TMEM63B: variants seen among roughly 807,000 people sequenced by gnomAD.
The protein encoded by TMEM63B is transmembrane protein 63B.
Under a neutral mutation model 102.6 loss-of-function variants are expected in TMEM63B, and 23 were observed. The ratio of observed to expected loss-of-function variants is 0.22; its 90% CI spans 0.16 to 0.32. The LOEUF (loss-of-function observed/expected upper bound fraction) is 0.32. TMEM63B is among the 10% of genes least tolerant of loss of function. The pLI is 1.00. For synonymous variants in TMEM63B, 444 were observed against 437.0 expected, an observed-to-expected ratio of 1.02 and a Z score of -0.20; for missense variants, 628 against 1,095.9, an observed-to-expected ratio of 0.57 and a Z score of 6.03.
In TMEM63B at chr6:44,148,382, C is replaced by T; in HGVS notation, c.1118C>T (p.Ala373Val). Residue 373 changes from alanine (A) to valine (V), a missense_variant, in exon 13 of 24, where the codon GCC (alanine) becomes GTC (valine). By Grantham distance (64) the Ala-to-Val change is moderately conservative (BLOSUM62 0). This residue lies in a region of TMEM63B where 336 missense variants were observed against 580.3 expected (regional missense o/e 0.58). Transcript: ENST00000323267. This position sits in a 1 kb window ranked among gnomAD's most constrained non-coding sequence, Gnocchi z 5.1. ...FVTFHNETIT[A>V]IILKDFNVCK... Reference sequence around the variant, plus strand: ...ACCTTCCACAATGAGACTATCACCGCCATGTGAGTCCCCAACTCGGCCCTC... The same window carrying T: ...ACCTTCCACAATGAGACTATCACCGTCATGTGAGTCCCCAACTCGGCCCTC... 1 of 1,614,264 alleles carries T rather than the reference C, an allele frequency of 6.2e-7. No individual in the cohort carries two copies. Among genetic ancestry groups the T allele is most frequent in the Non-Finnish European group, 8.5e-7 (1 of 1,180,046 alleles).
chr6:44,147,813 T>G (rs1752476943), intron 12 of TMEM63B, among the ~76,000 whole-genome samples: 1 of 152,042 alleles, frequency 6.6e-6, no homozygotes, highest in Non-Finnish European at 1.5e-5. Flanking sequence ...GAGGGTAAAG[T>G]GAGTAATACA....
chr6:44,152,691 G>A lies in TMEM63B; in HGVS notation c.1935G>A (p.Val645=). Residue 645 remains valine (V), a synonymous_variant, in exon 20 of 24, where the codon GTG becomes GTA. Transcript: ENST00000323267. This position sits in a 1 kb window ranked among gnomAD's most constrained non-coding sequence, Gnocchi z 6.4. ...ACAGTATCACCTGCCCCATCATCGT[G>A]CCCTTCGGTAGGCACCGCCGCGCCG... ...MTYSITCPII[V]PFGLMYMLLK... 6.2e-7 allele frequency: 1 copy of A among 1,606,426 alleles called. No individual in the cohort carries two copies.
At chr6:44,127,038 C>G (rs1015182254), upstream of TMEM63B, 1 of 152,264 alleles carries the variant, frequency 6.6e-6, no homozygotes, top group Non-Finnish European at 1.5e-5. Flanking sequence ...GCAGCCCGCC[C>G]TCCCCAAGTC....
Position 44,153,687 on chromosome 6 carries a change from A to C in TMEM63B, c.1954A>C (p.Met652Leu), listed in dbSNP as rs1353867287. The C allele has an allele frequency of 1.2e-6, 2 of 1,613,946 alleles. No homozygotes were observed. Among genetic ancestry groups the C allele is most frequent in the African/African-American group, 2.7e-5 (2 of 75,058 alleles). ...PIIVPFGLMY[M>L]LLKHLVDRYN... ...GTGGCTTCCCTTAGGGCTCATGTAC[A>C]TGCTGCTGAAGCACCTGGTAGACAG... The change falls in exon 21 of 24, where the codon ATG (methionine) becomes CTG (leucine). Residue 652 changes from methionine (M) to leucine (L), a missense_variant. Coordinates refer to ENST00000323267, the MANE Select transcript of TMEM63B (RefSeq NM_018426.3).
Position 44,150,348 on chromosome 6 carries a change from G to T in TMEM63B, c.1607+38G>T. On this transcript the variant is annotated intron_variant, in intron 17 of 23. Transcript: ENST00000323267. The surrounding 1 kb of genome is among the most constrained non-coding windows in gnomAD (Gnocchi z 4.7). ...GGATGGGGCAGGAGCCAGGGTAGGG[G>T]GACAGCAGGATAGGGAGAGGAGAGC... 6.3e-7 allele frequency: 1 copy of T among 1,588,950 alleles called. No individual in the cohort carries two copies. The highest frequency in any genetic ancestry group is 1.1e-5 in the South Asian group (1 of 90,588).
intron 10 of TMEM63B, among the ~76,000 whole-genome samples, chr6:44,143,134 G>A (rs993164480): frequency 6.6e-6 from 1 of 152,216 alleles, no homozygotes; most frequent in African/African-American, 2.4e-5. Flanking sequence ...ATAGTGTTTG[G>A]GCAGGATTGA....
At chr6:44,146,397 G>T (rs1337455970) in intron 10 of TMEM63B, among the ~76,000 whole-genome samples, 1 of 147,258 alleles carries the variant, frequency 6.8e-6, no homozygotes, top group Admixed American at 6.8e-5. Flanking sequence ...TATTCTTGGG[G>T]AACTCTCAGT....
In TMEM63B at chr6:44,135,107, G is replaced by A. The variant is rs538407260; in HGVS notation, c.239+11G>A. 2 of 1,613,822 alleles carry A rather than the reference G, an allele frequency of 1.2e-6. No individual in the cohort carries two copies. Among genetic ancestry groups the A allele is most frequent in the East Asian group, 2.2e-5 (1 of 44,886 alleles). ...GACAGATGCAGACAGGTAAGGGTCT[G>A]GGACCCTCCCTCTAGCTCTCCACAC... On this transcript the variant is annotated intron_variant, in intron 3 of 23. Transcript: ENST00000323267.
Position 44,139,722 on chromosome 6 carries a change from A to G in TMEM63B, c.565A>G (p.Ser189Gly), listed in dbSNP as rs768754994. 1.9e-6 allele frequency: 3 copies of G among 1,614,080 alleles called. No individual in the cohort carries two copies. ...SGDLLENNAYSFGRTTIANLK... is the reference protein window; with the variant it reads ...SGDLLENNAYGFGRTTIANLK... ...CCACCCCACAGAGAACAATGCCTAC[A>G]GCTTTGGGAGAACCACCATTGCCAA... The change falls in exon 8 of 24, where the codon AGC becomes GGC. Residue 189 changes from serine to glycine, a missense_variant. Around this residue, in one of 6 missense-constraint regions of TMEM63B, gnomAD observed 336 missense variants for 580.3 expected, o/e 0.58. Coordinates refer to ENST00000323267, the MANE Select transcript of TMEM63B (RefSeq NM_018426.3).
chr6:44,145,587 G>A lies in TMEM63B; in HGVS notation c.783-1260G>A, dbSNP rs186447915. ...AGCCCGGGTGACAGAGTGAGACTCC[G>A]TCTCAAAAACAAAACAAAACAAAAA... is the stretch of plus-strand genomic sequence containing the variant. On this transcript the variant is annotated intron_variant, in intron 10 of 23. Transcript: ENST00000323267. Among the ~76,000 whole-genome samples, 128 of 151,978 alleles carry A rather than the reference G, an allele frequency of 8.4e-4. No homozygotes were observed. The East Asian group carries it at 0.014, about 16-fold the overall frequency.
chr6:44,152,705 A>G lies in TMEM63B; in HGVS notation c.1942+7A>G. ...CCCATCATCGTGCCCTTCGGTAGGC[A>G]CCGCCGCGCCGGGACCTGGGCCCTG... On this transcript the variant is annotated splice_region_variant and intron_variant, in intron 20 of 23. Transcript: ENST00000323267. The surrounding 1 kb of genome is among the most constrained non-coding windows in gnomAD (Gnocchi z 6.4). The G allele has an allele frequency of 3.7e-6, 6 of 1,602,576 alleles. No homozygotes were observed. Among genetic ancestry groups the G allele is most frequent in the Non-Finnish European group, 5.1e-6 (6 of 1,177,968 alleles).
intron 21 of TMEM63B, 75 bp from the exon 22 acceptor site, chr6:44,153,998 T>C: frequency 1.3e-6 from 2 of 1,568,558 alleles, no homozygotes; most frequent in Non-Finnish European, 1.7e-6. Flanking sequence ...GAGGACTGCA[T>C]TCAGAGGGTA....
At chr6:44,147,065 T>A in intron 11 of TMEM63B, 138 bp downstream of exon 11, 1 of 1,015,276 alleles carries the variant, frequency 9.8e-7, no homozygotes, top group Non-Finnish European at 1.5e-6. Context: ...GGTGTGCCTG[T>A]TAATTCAGCT....
At chr6:44,144,855 CTCAAAGTTT>C (rs1203645098) in intron 10 of TMEM63B, among the ~76,000 whole-genome samples, 10 of 152,018 alleles carry the variant, frequency 6.6e-5, no homozygotes, top group Admixed American at 6.5e-4. Flanking sequence ...GTCTCAGCCT[CTCAAAGTTT>C]TGGGATTACA....
intron 6 of TMEM63B, 77 bp from the exon 7 acceptor site, chr6:44,139,390 G>A (rs577510167): frequency 2.7e-5 from 43 of 1,573,376 alleles, no homozygotes; most frequent in Non-Finnish European, 3.6e-5. Flanking sequence ...GTGGGAGTGG[G>A]TGAGGGCAGG....
chr6:44,153,698 G>A lies in TMEM63B; in HGVS notation c.1965G>A (p.Lys655=). ...TAGGGCTCATGTACATGCTGCTGAA[G>A]CACCTGGTAGACAGGTACAATCTCT... ...VPFGLMYMLL[K]HLVDRYNLYY... The change falls in exon 21 of 24, where the codon AAG becomes AAA. Residue 655 remains lysine, a synonymous_variant. Coordinates refer to ENST00000323267, the MANE Select transcript of TMEM63B (RefSeq NM_018426.3). 6.2e-7 allele frequency: 1 copy of A among 1,613,996 alleles called. No individual in the cohort carries two copies. Among genetic ancestry groups the A allele is most frequent in the Non-Finnish European group, 8.5e-7 (1 of 1,179,964 alleles).
chr6:44,148,866 T>A lies in TMEM63B; in HGVS notation c.1334T>A (p.Leu445His). The change falls in exon 15 of 24, where the codon CTC becomes CAC. Residue 445 changes from leucine (L) to histidine (H), a missense_variant. Around this residue, in one of 6 missense-constraint regions of TMEM63B, gnomAD observed 336 missense variants for 580.3 expected, o/e 0.58. Transcript: ENST00000323267. The surrounding 1 kb of genome is among the most constrained non-coding windows in gnomAD (Gnocchi z 5.1). ...LVINVVLFIL[L>H]FFLTTPAIII... ...ATCAATGTCGTCCTCTTCATCCTCC[T>A]CTTCTTCCTCACCACTCCAGCCATC... 1 of 1,614,062 alleles carries A rather than the reference T, an allele frequency of 6.2e-7. No individual in the cohort carries two copies. Among genetic ancestry groups the A allele is most frequent in the Non-Finnish European group, 8.5e-7 (1 of 1,180,018 alleles).
At chr6:44,151,670 C>T (rs568022701) in intron 18 of TMEM63B, among the ~76,000 whole-genome samples, 176 bp from the exon 19 acceptor site, 6 of 152,228 alleles carry the variant, frequency 3.9e-5, no homozygotes, top group Admixed American at 6.5e-5. Context: ...TGTCTGTTGC[C>T]ACTCTGTATG....
At chr6:44,126,696 A>T (rs1000770792), upstream of TMEM63B, among the ~76,000 whole-genome samples, 1 of 152,212 alleles carries the variant, frequency 6.6e-6, no homozygotes, top group African/African-American at 2.4e-5. Context: ...CCCTCCAGGA[A>T]CCAGAAATTA....
Sources: gnomAD v4.1 joint callset for allele counts (sites outside exome capture counted in the v4.1 genomes callset) on GRCh38, gnomAD v4.1.1 for gene constraint, gnomAD v4.1.1 regional missense constraint, Gnocchi (gnomAD v3.1) non-coding constraint, MANE v1.5 for transcripts, NCBI Gene and HGNC (gene_info 2026-07-23, HGNC 2026-07-21) for gene names.